The following CFAP299 variants were observed in gnomAD, a reference collection of about 807,000 sequenced individuals.
The protein encoded by CFAP299 is cilia- and flagella-associated protein 299.
CFAP299 carries 21 observed loss-of-function variants against 27.0 expected under a neutral mutation model. That is an observed-to-expected ratio of 0.78 (90% confidence interval 0.55 to 1.12). The LOEUF is 1.12. CFAP299 is among the 50% of genes most tolerant of loss of function. The pLI, the probability that CFAP299 is intolerant of heterozygous loss-of-function variation, is 0.00. For missense variants in CFAP299, 310 were observed against 276.6 expected (o/e 1.12, Z -0.86); for synonymous variants, 104 against 98.1 (o/e 1.06, Z -0.36).
chr4:80,500,707 G>A (rs1845693), intron 2 of CFAP299, among the ~76,000 whole-genome samples: 11,531 of 152,010 alleles, frequency 0.076, 625 homozygotes, highest in East Asian at 0.25. Context: ...TGTCTCACAC[G>A]TGCATCCTAC....
chr4:80,609,678 AT>A (rs1737864180), intron 3 of CFAP299, among the ~76,000 whole-genome samples: 1 of 151,714 alleles, frequency 6.6e-6, no homozygotes. Flanking sequence ...CACTTTTCCT[AT>A]TTTTTGTTTA....
intron 3 of CFAP299, among the ~76,000 whole-genome samples, chr4:80,855,693 G>A (rs1336574785): frequency 6.6e-6 from 1 of 152,168 alleles, no homozygotes; most frequent in Non-Finnish European, 1.5e-5. Flanking sequence ...TACTGAGAAT[G>A]ATGATTTCCA....
intron 3 of CFAP299, among the ~76,000 whole-genome samples, chr4:80,704,406 C>T (rs1721700705): frequency 6.6e-6 from 1 of 151,534 alleles, no homozygotes; most frequent in African/African-American, 2.4e-5. Context: ...AGAGCTATCA[C>T]AGGAAATAAG....
At chr4:80,383,476 G>A (rs1297573943) in intron 2 of CFAP299, among the ~76,000 whole-genome samples, 3 of 151,978 alleles carry the variant, frequency 2.0e-5, no homozygotes, top group Admixed American at 1.3e-4. Flanking sequence ...TTCTTTCAAG[G>A]AATCATATAG....
At chr4:80,749,159 G>A (rs747907163) in intron 3 of CFAP299, among the ~76,000 whole-genome samples, 4 of 152,136 alleles carry the variant, frequency 2.6e-5, no homozygotes, top group South Asian at 4.1e-4. Flanking sequence ...TTATTGAAGA[G>A]TTTGAGAATC....
intron 2 of CFAP299, among the ~76,000 whole-genome samples, chr4:80,400,137 A>G (rs1440655534): frequency 6.6e-6 from 1 of 152,180 alleles, no homozygotes; most frequent in African/African-American, 2.4e-5. Flanking sequence ...AGATGCAATT[A>G]GATATATAAA....
chr4:80,927,722 A>C (rs1229886307), intron 4 of CFAP299, among the ~76,000 whole-genome samples: 5 of 152,054 alleles, frequency 3.3e-5, no homozygotes, highest in Non-Finnish European at 7.4e-5. Context: ...CAGTGTCTTA[A>C]ATCCTTCTCA....
At chr4:80,537,419 A>G (rs953047813) in intron 2 of CFAP299, among the ~76,000 whole-genome samples, 5 of 152,200 alleles carry the variant, frequency 3.3e-5, no homozygotes, top group African/African-American at 1.2e-4. Context: ...ATAATAGCCA[A>G]GCTGTGGAAT....
At chr4:80,432,971 CATCTT>C (rs1348921336) in intron 2 of CFAP299, among the ~76,000 whole-genome samples, 1 of 152,194 alleles carries the variant, frequency 6.6e-6, no homozygotes. Flanking sequence ...CTTCTTTACT[CATCTT>C]ATATTCCTGA....
intron 3 of CFAP299, among the ~76,000 whole-genome samples, chr4:80,682,703 T>C (rs999524632): frequency 1.3e-5 from 2 of 152,196 alleles, no homozygotes; most frequent in African/African-American, 4.8e-5. Context: ...TCTTACACCC[T>C]TTATTATAAG....
intron 4 of CFAP299, chr4:80,871,228 T>C (rs1733079463): frequency 1.0e-6 from 1 of 985,352 alleles, no homozygotes; most frequent in Non-Finnish European, 1.2e-6. Flanking sequence ...TGTAATGGAC[T>C]TAGCTCTTTC....
At chr4:80,817,944 T>C (rs941930075) in intron 3 of CFAP299, among the ~76,000 whole-genome samples, 11 of 152,034 alleles carry the variant, frequency 7.2e-5, no homozygotes, top group Admixed American at 2.0e-4. Context: ...TCCCAATGCC[T>C]AGGTATTAAG....
chr4:80,684,000 A>G (rs1484462331), intron 3 of CFAP299, among the ~76,000 whole-genome samples: 2 of 152,174 alleles, frequency 1.3e-5, no homozygotes, highest in African/African-American at 4.8e-5. Context: ...GATCTTATAG[A>G]CTTCAATTCT....
intron 2 of CFAP299, among the ~76,000 whole-genome samples, chr4:80,456,434 A>G (rs1217655863): frequency 2.6e-5 from 4 of 152,054 alleles, no homozygotes; most frequent in East Asian, 1.9e-4. Flanking sequence ...AGCAAGGGGA[A>G]GTTCTGCTTG....
chr4:80,794,028 A>G (rs2110100843), intron 3 of CFAP299, among the ~76,000 whole-genome samples: 1 of 152,280 alleles, frequency 6.6e-6, no homozygotes, highest in African/African-American at 2.4e-5. Context: ...TTTCCCATTG[A>G]CATTAATCAC....
intron 1 of CFAP299, among the ~76,000 whole-genome samples, chr4:80,352,145 G>T (rs1318660438): frequency 6.6e-6 from 1 of 152,096 alleles, no homozygotes; most frequent in East Asian, 1.9e-4. Context: ...CTCAAAATGC[G>T]TTATGCAAAA....
At chr4:80,689,319 GC>G (rs547230472) in intron 3 of CFAP299, among the ~76,000 whole-genome samples, 136 of 152,294 alleles carry the variant, frequency 8.9e-4, no homozygotes, top group African/African-American at 3.2e-3. Context: ...TCAAAGGGAA[GC>G]CCATCAGACT....
At chr4:80,667,120 C>T (rs1741179399) in intron 3 of CFAP299, among the ~76,000 whole-genome samples, 3 of 152,128 alleles carry the variant, frequency 2.0e-5, no homozygotes, top group Admixed American at 2.0e-4. Flanking sequence ...AAGTCACTAC[C>T]TTTGTTCAGC....
At chr4:80,539,315 C>T (rs1733892305) in intron 2 of CFAP299, among the ~76,000 whole-genome samples, 1 of 152,052 alleles carries the variant, frequency 6.6e-6, no homozygotes, top group Non-Finnish European at 1.5e-5. Context: ...CTTACATTTC[C>T]CAGGAGAAGG....
Sources: allele counts gnomAD v4.1 joint callset (sites outside exome capture counted in the v4.1 genomes callset), GRCh38; gene constraint gnomAD v4.1.1; transcripts MANE v1.5; gene names NCBI Gene and HGNC (gene_info 2026-07-23, HGNC 2026-07-21).